The following FAM169A variants were observed in gnomAD, a reference collection of about 807,000 sequenced individuals.
FAM169A encodes soluble lamin-associated protein of 75 kDa.
In FAM169A, 24 loss-of-function variants were observed where a neutral mutation model predicts 75.7. The ratio of observed to expected loss-of-function variants is 0.32; its 90% CI spans 0.23 to 0.45. The LOEUF is 0.45. FAM169A is among the 20% of genes least tolerant of loss of function. The pLI, the probability that FAM169A is intolerant of heterozygous loss-of-function variation, is 1.00. For missense variants in FAM169A, 673 were observed against 784.0 expected (o/e 0.86, Z 1.69); for synonymous variants, 271 against 271.0 (o/e 1.00, Z 0.00).
At chr5:74,845,243 G>C (rs916823947) in intron 1 of FAM169A, among the ~76,000 whole-genome samples, 12 of 152,278 alleles carry the variant, frequency 7.9e-5, no homozygotes, top group Middle Eastern at 3.4e-3. Flanking sequence ...TACATGCCGG[G>C]TGCGGTGGTT....
intron 10 of FAM169A, chr5:74,799,769 C>A: frequency 8.9e-7 from 1 of 1,120,642 alleles, no homozygotes; most frequent in Non-Finnish European, 1.4e-6. Context: ...CAGACAACAG[C>A]GCCGTGGCTG....
chr5:74,807,167 G>A (rs892868122), intron 6 of FAM169A, among the ~76,000 whole-genome samples: 2 of 152,112 alleles, frequency 1.3e-5, no homozygotes, highest in Admixed American at 1.3e-4. Context: ...ATACCACTAA[G>A]TCAAAAATGC....
chr5:74,863,319 G>A (rs987747521), intron 1 of FAM169A, among the ~76,000 whole-genome samples: 1 of 152,050 alleles, frequency 6.6e-6, no homozygotes, highest in African/African-American at 2.4e-5. Flanking sequence ...TACCACCACT[G>A]AGGCATACCA....
At chr5:74,839,973 T>TA (rs374128756) in intron 3 of FAM169A, 101 bp downstream of exon 3, 8,881 of 478,622 alleles carry the variant, frequency 0.019, no homozygotes, top group South Asian at 0.03. Context: ...TGAAACACTT[T>TA]AAAAAAAAAA....
At position 74,866,309 on chromosome 5, in the gene FAM169A, CT is replaced by C; in HGVS notation, c.-149del. On this transcript the variant is annotated 5_prime_UTR_variant, in exon 1 of 13. Coordinates refer to ENST00000687041, the MANE Select transcript of FAM169A (RefSeq NM_001376049.1). ...CGGCTGCCAGGGCGAGTGCGGCTGC[CT>C]CCCGCTCGCCCCGGACGCCCGGCTC... 3 of 984,400 alleles carry C rather than the reference CT, an allele frequency of 3.0e-6. No individual in the cohort carries two copies. The highest frequency in any genetic ancestry group is 3.6e-6 in the Non-Finnish European group (3 of 829,572). 61.0% of individuals were successfully genotyped at this position (984,400 alleles called of 1,614,324 possible).
rs1171625109 is a variant in FAM169A at position 74,790,438 on chromosome 5, G to A, written c.1260+5592C>T. On this transcript the variant is annotated intron_variant, in intron 11 of 12. Coordinates refer to ENST00000687041, the MANE Select transcript of FAM169A (RefSeq NM_001376049.1). The stretch of plus-strand genomic sequence containing the variant: ...ACTGCAGCCAATGGTTTGGATGACG[G>A]TCAGGGACTTGAAAGAAGCATGATT... 2.6e-5 allele frequency among the ~76,000 whole-genome samples: 4 copies of A among 152,240 alleles called. No individual in the cohort carries two copies. The East Asian group carries it at 7.7e-4, about 29-fold the overall frequency.
intron 5 of FAM169A, among the ~76,000 whole-genome samples, chr5:74,829,360 A>G (rs1246368204): frequency 1.3e-5 from 2 of 152,168 alleles, no homozygotes; most frequent in African/African-American, 2.4e-5. Context: ...TGGATTTAGC[A>G]TCTATGGTTT....
chr5:74,841,216 C>T (rs894761536), intron 2 of FAM169A, among the ~76,000 whole-genome samples: 4 of 152,070 alleles, frequency 2.6e-5, no homozygotes, highest in Admixed American at 1.3e-4. Flanking sequence ...TAGTGTTTTG[C>T]TGATTTTTTA....
At chr5:74,829,084 ATAACT>A (rs1748182004) in intron 5 of FAM169A, among the ~76,000 whole-genome samples, 1 of 152,220 alleles carries the variant, frequency 6.6e-6, no homozygotes, top group African/African-American at 2.4e-5. Context: ...AAAATATTAC[ATAACT>A]TAGTATAGCA....
chr5:74,823,240 C>A (rs566408686), intron 5 of FAM169A, among the ~76,000 whole-genome samples: 51 of 152,196 alleles, frequency 3.4e-4, no homozygotes, highest in Non-Finnish European at 6.2e-4. Flanking sequence ...GTTAGTCCCA[C>A]CACCTTATTC....
At chr5:74,789,761 A>T (rs1320191001) in intron 11 of FAM169A, among the ~76,000 whole-genome samples, 3 of 152,216 alleles carry the variant, frequency 2.0e-5, no homozygotes, top group African/African-American at 7.2e-5. Flanking sequence ...CTTTAGAGAG[A>T]CAAGTGCTGT....
intron 6 of FAM169A, among the ~76,000 whole-genome samples, chr5:74,809,032 C>A (rs1320698342): frequency 6.6e-6 from 1 of 151,942 alleles, no homozygotes; most frequent in Non-Finnish European, 1.5e-5. Context: ...AAAACCAACA[C>A]AACAGGCCAC....
intron 11 of FAM169A, among the ~76,000 whole-genome samples, chr5:74,783,342 C>T (rs1223186888): frequency 3.9e-5 from 6 of 152,282 alleles, no homozygotes; most frequent in African/African-American, 1.2e-4. Flanking sequence ...CTGAGTACCC[C>T]GTACTCCCAC....
intron 7 of FAM169A, 32 bp from the exon 8 acceptor site, chr5:74,804,637 C>T (rs779606072): frequency 2.2e-5 from 27 of 1,243,474 alleles, no homozygotes; most frequent in African/African-American, 1.0e-4. Context: ...AAACTGTAAC[C>T]GAATCAGTAT....
intron 5 of FAM169A, among the ~76,000 whole-genome samples, chr5:74,818,770 GCTCTCT>G (rs375359690): frequency 0.011 from 1,507 of 134,262 alleles, 20 homozygotes; most frequent in African/African-American, 0.031. Context: ...CGGTTTCACA[GCTCTCT>G]CTCTCTCTCT....
rs1196409613 is a variant in FAM169A, at chr5:74,778,767, T to C, written c.*2693A>G. Reference sequence around the variant, plus strand: ...TATTACACAAGGAAATATACACGTATGTACATAAAAAGTGAACTCCCTTCA... The same window carrying C: ...TATTACACAAGGAAATATACACGTACGTACATAAAAAGTGAACTCCCTTCA... On this transcript the variant is annotated 3_prime_UTR_variant, in exon 13 of 13. Coordinates refer to ENST00000687041, the MANE Select transcript of FAM169A (RefSeq NM_001376049.1). The C allele has an allele frequency of 1.3e-5, 2 of 152,080 alleles. No individual in the cohort carries two copies. The highest frequency in any genetic ancestry group is 4.8e-5 in the African/African-American group (2 of 41,450). The allele number at this position is 152,080 out of a possible 1,614,324, so 9.4% of individuals were successfully genotyped here.
chr5:74,841,583 G>A lies in FAM169A; in HGVS notation c.94C>T (p.Pro32Ser). Residue 32 changes from proline to serine, a missense_variant, in exon 2 of 13, where the codon CCT (proline) becomes TCT (serine). By Grantham distance (74) the Pro-to-Ser change is moderately conservative. Transcript: ENST00000687041. ...DYMSDLRCGD[P>S]ENPECFSLLN... The stretch of plus-strand genomic sequence containing the variant: ...AGAGAAAAACACTCTGGATTTTCAG[G>A]GTCCCCACACCTTAAATCTGACATG... The A allele has an allele frequency of 6.2e-7, 1 of 1,612,638 alleles. No individual in the cohort carries two copies. Among genetic ancestry groups the A allele is most frequent in the Non-Finnish European group, 8.5e-7 (1 of 1,179,190 alleles).
rs138704997 is a variant in FAM169A, at chr5:74,780,080, T to G, written c.*1380A>C. ...TTATCTTTGGATTCTAATAACCATTTTGTCCATTTTTAAATAAATTACAAA... is the reference window on the plus strand; with the variant it reads ...TTATCTTTGGATTCTAATAACCATTGTGTCCATTTTTAAATAAATTACAAA... On this transcript the variant is annotated 3_prime_UTR_variant, in exon 13 of 13. Coordinates refer to ENST00000687041, the MANE Select transcript of FAM169A (RefSeq NM_001376049.1). 3.9e-5 allele frequency: 6 copies of G among 152,360 alleles called. No homozygotes were observed. The East Asian group carries it at 9.6e-4, about 24-fold the overall frequency. The allele number at this position is 152,360 out of a possible 1,614,324, so 9.4% of individuals were successfully genotyped here.
Position 74,825,983 on chromosome 5 carries a change from A to AT in FAM169A, c.490+8442dup, listed in dbSNP as rs144555602. Among the ~76,000 whole-genome samples the AT allele has an allele frequency of 9.2e-5, 14 of 152,024 alleles. No homozygotes were observed. The East Asian group carries it at 1.9e-3, about 21-fold the overall frequency. On this transcript the variant is annotated intron_variant, in intron 5 of 12. Coordinates refer to ENST00000687041, the MANE Select transcript of FAM169A (RefSeq NM_001376049.1). The stretch of plus-strand genomic sequence containing the variant: ...ATGTTAGTGAATTATTTTATTGGTG[A>AT]TTTTTTCTCCTCCAATTTGTTCTCT...
Sources: gnomAD v4.1 joint callset for allele counts (sites outside exome capture counted in the v4.1 genomes callset) on GRCh38, gnomAD v4.1.1 for gene constraint, MANE v1.5 for transcripts, NCBI Gene and HGNC (gene_info 2026-07-23, HGNC 2026-07-21) for gene names.